The following REC114 variants were observed in gnomAD, a reference collection of about 807,000 sequenced individuals.
REC114 encodes the protein REC114 meiotic recombination protein.
Under a neutral mutation model 31.3 loss-of-function variants are expected in REC114, and 27 were observed. The ratio of observed to expected loss-of-function variants is 0.86; its 90% CI spans 0.64 to 1.19. REC114 has a LOEUF of 1.19. Among genes scored for constraint, REC114 ranks in the 50% most tolerant of loss-of-function variants. REC114 has a pLI of 0.00. For synonymous variants in REC114, 134 were observed against 127.7 expected (o/e 1.05, Z -0.33); for missense variants, 344 against 326.9 (o/e 1.05, Z -0.40).
intron 1 of REC114, among the ~76,000 whole-genome samples, chr15:73,461,049 A>G (rs1012593993): frequency 5.7e-4 from 86 of 152,114 alleles, no homozygotes; most frequent in Non-Finnish European, 2.2e-4. Context: ...GCTTTGATAC[A>G]TGAGATAATT....
intron 1 of REC114, among the ~76,000 whole-genome samples, chr15:73,471,089 T>TCTGAC (rs1218334681): frequency 6.6e-6 from 1 of 152,122 alleles, no homozygotes; most frequent in African/African-American, 2.4e-5. Context: ...AATGACATGA[T>TCTGAC]CTGACTTATA....
chr15:73,467,225 G>GT (rs994695988), intron 1 of REC114, among the ~76,000 whole-genome samples: 8 of 152,244 alleles, frequency 5.3e-5, no homozygotes, highest in African/African-American at 1.9e-4. Flanking sequence ...CCAACAAAAT[G>GT]TTTTTTTCAG....
chr15:73,506,885 G>A (rs11858423), intron 2 of REC114, among the ~76,000 whole-genome samples: 7,542 of 152,056 alleles, frequency 0.05, 353 homozygotes, highest in African/African-American at 0.12. Context: ...TATTAACTAC[G>A]TAAAAGTAGA....
intron 2 of REC114, among the ~76,000 whole-genome samples, chr15:73,526,139 T>C (rs1388541954): frequency 2.0e-5 from 3 of 152,214 alleles, no homozygotes; most frequent in Non-Finnish European, 4.4e-5. Context: ...GAGATTGACA[T>C]AGCCATTCCA....
intron 1 of REC114, among the ~76,000 whole-genome samples, chr15:73,471,319 G>A (rs1031654630): frequency 6.6e-6 from 1 of 152,298 alleles, no homozygotes; most frequent in African/African-American, 2.4e-5. Context: ...TGTGAGAAAA[G>A]GAGTCAAGAA....
chr15:73,479,048 C>A (rs973985352), intron 2 of REC114, among the ~76,000 whole-genome samples: 23 of 152,268 alleles, frequency 1.5e-4, no homozygotes, highest in African/African-American at 5.3e-4. Flanking sequence ...CTGCCTGCCT[C>A]ACCCGCTTCC....
At chr15:73,446,258 AC>A (rs1452205331) in intron 1 of REC114, among the ~76,000 whole-genome samples, 1 of 152,186 alleles carries the variant, frequency 6.6e-6, no homozygotes, top group African/African-American at 2.4e-5. Context: ...TGGATTATAC[AC>A]ATACATGTAC....
Position 73,534,649 on chromosome 15 carries a change from A to C in REC114, c.250-5836A>C, listed in dbSNP as rs528397485. Among the ~76,000 whole-genome samples, 182 of 152,324 alleles carry C rather than the reference A, an allele frequency of 1.2e-3. 1 individual carries two copies. The highest frequency in any genetic ancestry group is 4.2e-3 in the African/African-American group (174 of 41,556). On this transcript the variant is annotated intron_variant, in intron 2 of 5. Coordinates refer to ENST00000331090, the MANE Select transcript of REC114 (RefSeq NM_001042367.2). ...CTTCTGAAACTATTCCAATCAATAC[A>C]AAAAGAGGGAATCCTCCCTAACTCA...
chr15:73,553,448 T>A (rs561435579), intron 4 of REC114, among the ~76,000 whole-genome samples: 1 of 152,308 alleles, frequency 6.6e-6, no homozygotes, highest in African/African-American at 2.4e-5. Flanking sequence ...TGCCCTTTAG[T>A]TTTTCATGTT....
intron 1 of REC114, among the ~76,000 whole-genome samples, chr15:73,443,792 G>A (rs1419701936): frequency 6.6e-6 from 1 of 152,168 alleles, no homozygotes; most frequent in Non-Finnish European, 1.5e-5. Context: ...GACTAAATTT[G>A]AATCCTCGCG....
intron 1 of REC114, among the ~76,000 whole-genome samples, chr15:73,472,601 C>A (rs1268673917): frequency 1.3e-5 from 2 of 152,022 alleles, no homozygotes; most frequent in Non-Finnish European, 2.9e-5. Context: ...TCTATAACAT[C>A]TTATTGTTTA....
At chr15:73,479,192 G>C (rs1893258566) in intron 2 of REC114, among the ~76,000 whole-genome samples, 1 of 150,556 alleles carries the variant, frequency 6.6e-6, no homozygotes, top group African/African-American at 2.4e-5. Context: ...GTTAGCTGTA[G>C]GTTTTTTTTT....
chr15:73,531,713 G>T (rs1894084834), intron 2 of REC114, among the ~76,000 whole-genome samples: 2 of 152,148 alleles, frequency 1.3e-5, no homozygotes, highest in Admixed American at 1.3e-4. Context: ...TTTGCAGTGA[G>T]GTGTAGGGGC....
chr15:73,454,044 C>A (rs892071785), intron 1 of REC114, among the ~76,000 whole-genome samples: 3 of 152,044 alleles, frequency 2.0e-5, no homozygotes, highest in Non-Finnish European at 4.4e-5. Flanking sequence ...GTGCAGCAAA[C>A]CACCATAGCA....
chr15:73,551,765 GCAGA>G (rs1894396934), intron 4 of REC114, among the ~76,000 whole-genome samples: 1 of 152,108 alleles, frequency 6.6e-6, no homozygotes, highest in Admixed American at 6.5e-5. Context: ...TGGGTATTTG[GCAGA>G]CATTTTCTCA....
chr15:73,540,790 G>A (rs1471524641), intron 3 of REC114, among the ~76,000 whole-genome samples: 1 of 152,198 alleles, frequency 6.6e-6, no homozygotes, highest in Non-Finnish European at 1.5e-5. Flanking sequence ...GGATTTCTCA[G>A]TATGCGTCTG....
intron 2 of REC114, among the ~76,000 whole-genome samples, chr15:73,497,943 G>A (rs952843271): frequency 1.3e-5 from 2 of 152,176 alleles, no homozygotes; most frequent in African/African-American, 4.8e-5. Flanking sequence ...AGAATATCAT[G>A]CAATAGTAAT....
intron 4 of REC114, among the ~76,000 whole-genome samples, chr15:73,556,028 A>G (rs1023430449): frequency 6.6e-6 from 1 of 152,200 alleles, no homozygotes; most frequent in Non-Finnish European, 1.5e-5. Flanking sequence ...GGAATGCCCC[A>G]GTGTCTGACA....
intron 1 of REC114, among the ~76,000 whole-genome samples, chr15:73,469,794 C>T (rs1363348374): frequency 1.3e-5 from 2 of 151,176 alleles, no homozygotes; most frequent in Admixed American, 6.6e-5. Flanking sequence ...ACGCCATTCT[C>T]CTGCCTCAGC....
Sources: allele counts gnomAD v4.1 joint callset (sites outside exome capture counted in the v4.1 genomes callset), GRCh38; gene constraint gnomAD v4.1.1; transcripts MANE v1.5; gene names NCBI Gene and HGNC (gene_info 2026-07-23, HGNC 2026-07-21).